Variants in NKD1 observed in about 807,000 individuals in gnomAD.
NKD1 encodes NKD inhibitor of Wnt signaling pathway 1, also known as protein naked cuticle homolog 1.
A neutral mutation model predicts 56.0 loss-of-function variants in NKD1; 21 were observed. That is an observed-to-expected ratio of 0.38 (90% CI 0.27 to 0.54). The LOEUF is 0.54. Among genes scored for constraint, NKD1 ranks in the 20% least tolerant of loss-of-function variants. The pLI is 0.82. For missense variants in NKD1, 578 were observed against 642.7 expected, an observed-to-expected ratio of 0.90 and a Z score of 1.09; for synonymous variants, 263 against 265.7, an observed-to-expected ratio of 0.99 and a Z score of 0.10.
intron 3 of NKD1, among the ~76,000 whole-genome samples, chr16:50,592,896 T>C (rs1164406898): frequency 1.3e-5 from 2 of 152,088 alleles, no homozygotes; most frequent in Non-Finnish European, 2.9e-5. Context: ...CCCAGGGCAG[T>C]TCCAGTCTCT....
rs138903550 is a variant in NKD1, at chr16:50,580,662, G to C, written c.193-27632G>C. 4.8e-3 allele frequency among the ~76,000 whole-genome samples: 737 copies of C among 152,294 alleles called. 8 individuals are homozygous for C. Among genetic ancestry groups the C allele is most frequent in the Non-Finnish European group, 6.6e-3 (447 of 68,016 alleles). ...ACCCTTTCAATTTTTTAAACAATTT[G>C]AGCCAACATTTAAAAATGAGGAATT... On this transcript the variant is annotated intron_variant, in intron 3 of 9. Transcript: ENST00000268459.
intron 4 of NKD1, among the ~76,000 whole-genome samples, chr16:50,609,412 T>TAAG (rs1452779463): frequency 6.6e-6 from 1 of 152,192 alleles, no homozygotes; most frequent in Non-Finnish European, 1.5e-5. Flanking sequence ...GGCTGCCTTA[T>TAAG]AAGAGTAAGG....
intron 3 of NKD1, among the ~76,000 whole-genome samples, chr16:50,597,882 C>T (rs775035563): frequency 7.9e-5 from 12 of 152,136 alleles, no homozygotes; most frequent in South Asian, 2.1e-4. Flanking sequence ...CTCTGGAAGC[C>T]GCCAGTGTGA....
At chr16:50,603,432 G>C (rs1961641280) in intron 3 of NKD1, among the ~76,000 whole-genome samples, 1 of 152,224 alleles carries the variant, frequency 6.6e-6, no homozygotes, top group Non-Finnish European at 1.5e-5. Flanking sequence ...GCAGCTCCAG[G>C]GTAGGCTGCT....
chr16:50,630,076 G>A (rs1326029779), intron 6 of NKD1, 110 bp from the exon 7 acceptor site: 22 of 966,768 alleles, frequency 2.3e-5, no homozygotes, highest in Non-Finnish European at 3.3e-5. Context: ...GATCTGCTTT[G>A]GGGCAGCCAG....
At chr16:50,631,894 C>T (rs1373112911) in intron 8 of NKD1, among the ~76,000 whole-genome samples, 1 of 152,246 alleles carries the variant, frequency 6.6e-6, no homozygotes, top group East Asian at 1.9e-4. Flanking sequence ...CTGCCCACAC[C>T]CCCTGAGGAA....
chr16:50,647,550 G>A lies in NKD1; in HGVS notation c.*13769G>A, dbSNP rs1050484154. ...GGGAGGAGAGTGGGGAAGTGAGGCA[G>A]AAAAGGAAGGGAAGTTCCACTCCAG... On this transcript the variant is annotated 3_prime_UTR_variant, in exon 10 of 10. Transcript: ENST00000268459. 12 of 152,166 alleles carry A rather than the reference G, an allele frequency of 7.9e-5. No homozygotes were observed. The highest frequency in any genetic ancestry group is 9.7e-5 in the African/African-American group (4 of 41,436). The allele number at this position is 152,166 out of a possible 1,614,324, so 9.4% of individuals were successfully genotyped here. A position where few individuals can be genotyped will look rare whatever the true frequency, so the allele number is the denominator to read the frequency against.
intron 3 of NKD1, among the ~76,000 whole-genome samples, chr16:50,585,391 G>T (rs143278228): frequency 5.3e-5 from 8 of 152,190 alleles, no homozygotes; most frequent in African/African-American, 7.2e-5. Context: ...TCTGTCAGCC[G>T]CATGGAGACG....
intron 3 of NKD1, among the ~76,000 whole-genome samples, chr16:50,585,917 A>C (rs1376808644): frequency 1.3e-5 from 2 of 152,182 alleles, no homozygotes; most frequent in African/African-American, 2.4e-5. Flanking sequence ...CACCCTCTTC[A>C]CAAGGGTTCT....
chr16:50,548,911 C>A, intron 2 of NKD1, 162 bp downstream of exon 2: 1 of 878,138 alleles, frequency 1.1e-6, no homozygotes. Flanking sequence ...TTCGCGCCCC[C>A]TCCTCTGTCC....
chr16:50,633,264 A>G lies in NKD1; in HGVS notation c.896A>G (p.Glu299Gly). The G allele has an allele frequency of 6.2e-7, 1 of 1,614,006 alleles. No individual in the cohort carries two copies. Among genetic ancestry groups the G allele is most frequent in the Non-Finnish European group, 8.5e-7 (1 of 1,179,972 alleles). The change falls in exon 10 of 10, where the codon GAG becomes GGG. Residue 299 changes from glutamate (E) to glycine (G), a missense_variant. By Grantham distance (98) the Glu-to-Gly change is moderately conservative. Coordinates refer to ENST00000268459, the MANE Select transcript of NKD1 (RefSeq NM_033119.5). The surrounding 1 kb of genome is among the most constrained non-coding windows in gnomAD (Gnocchi z 4.9). ...TSNPTRSRSHEPEAIHIPHRK... is the reference protein window; with the variant it reads ...TSNPTRSRSHGPEAIHIPHRK... ...AATCCCACTCGATCTCGCTCCCATG[A>G]GCCGGAAGCCATCCACATCCCACAC...
chr16:50,586,149 A>G (rs1368798595), intron 3 of NKD1, among the ~76,000 whole-genome samples: 1 of 152,146 alleles, frequency 6.6e-6, no homozygotes, highest in Non-Finnish European at 1.5e-5. Flanking sequence ...TGCCAGGTCC[A>G]TTTCCCTGGC....
intron 3 of NKD1, among the ~76,000 whole-genome samples, chr16:50,599,014 G>T (rs1445287525): frequency 1.3e-5 from 2 of 152,050 alleles, no homozygotes; most frequent in Non-Finnish European, 2.9e-5. Context: ...TGTGTGTGTG[G>T]TCAGCAGTGG....
intron 3 of NKD1, among the ~76,000 whole-genome samples, chr16:50,565,596 G>T (rs1960741767): frequency 6.6e-6 from 1 of 152,176 alleles, no homozygotes; most frequent in African/African-American, 2.4e-5. Context: ...GGCTGAGGCG[G>T]GAGGATGGTT....
At chr16:50,549,316 C>G in intron 2 of NKD1, 106 bp from the exon 3 acceptor site, 1 of 1,426,942 alleles carries the variant, frequency 7.0e-7, no homozygotes, top group Non-Finnish European at 9.5e-7. Context: ...TCCTGGCCCC[C>G]GTGCCGTGGT....
At chr16:50,585,502 C>T (rs774270497) in intron 3 of NKD1, among the ~76,000 whole-genome samples, 2 of 152,208 alleles carry the variant, frequency 1.3e-5, no homozygotes, top group Non-Finnish European at 1.5e-5. Flanking sequence ...GGCAGCAGGC[C>T]CGATGGGGGA....
In NKD1 at chr16:50,637,564, TC is replaced by T. The variant is rs1962495024; in HGVS notation, c.*3784del. ...GCCTGGGCGACAGAGTGAGACTCCA[TC>T]TCAAATAAATAAAGAGGTTATACTG... On this transcript the variant is annotated 3_prime_UTR_variant, in exon 10 of 10. Coordinates refer to ENST00000268459, the MANE Select transcript of NKD1 (RefSeq NM_033119.5). 1 of 151,402 alleles carries T rather than the reference TC, an allele frequency of 6.6e-6. No individual in the cohort carries two copies. The highest frequency in any genetic ancestry group is 2.4e-5 in the African/African-American group (1 of 41,084). The allele number at this position is 151,402 out of a possible 1,614,324, so 9.4% of individuals were successfully genotyped here. A position where few individuals can be genotyped will look rare whatever the true frequency, so the allele number is the denominator to read the frequency against.
chr16:50,569,497 C>T (rs1960836611), intron 3 of NKD1, among the ~76,000 whole-genome samples: 1 of 152,140 alleles, frequency 6.6e-6, no homozygotes, highest in African/African-American at 2.4e-5. Context: ...TTCCACATGG[C>T]TTTGCTAACA....
rs948065356 is a variant in NKD1 at position 50,632,454 on chromosome 16, G to C, written c.823+46G>C. 6.2e-7 allele frequency: 1 copy of C among 1,609,570 alleles called. No individual in the cohort carries two copies. On this transcript the variant is annotated intron_variant, in intron 9 of 9. Transcript: ENST00000268459. This position sits in a 1 kb window ranked among gnomAD's most constrained non-coding sequence, Gnocchi z 4.1. ...GCAATGGGCGATGAGGGCAGGGCGT[G>C]GCTGGACGGGCCAGGCGGGCCGTGC...
Sources: allele counts gnomAD v4.1 joint callset (sites outside exome capture counted in the v4.1 genomes callset), GRCh38; gene constraint gnomAD v4.1.1; non-coding constraint Gnocchi (gnomAD v3.1); transcripts MANE v1.5; gene names NCBI Gene and HGNC (gene_info 2026-07-23, HGNC 2026-07-21).